Variants in CEP128 observed in about 807,000 individuals in gnomAD.
CEP128 encodes the protein centrosomal protein 128, also known as centrosomal protein 128kDa.
Under a neutral mutation model 156.7 loss-of-function variants are expected in CEP128, and 132 were observed. The observed-to-expected ratio is 0.84, with a 90% confidence interval of 0.73 to 0.97. CEP128 has a LOEUF of 0.97. Among genes scored for constraint, CEP128 ranks in the 50% least tolerant of loss-of-function variants. The pLI is 0.00. For missense variants in CEP128, 1,252 were observed against 1,281.9 expected (o/e 0.98, Z 0.36); for synonymous variants, 469 against 448.9 (o/e 1.04, Z -0.57).
chr14:80,696,365 G>A (rs1896892321), intron 19 of CEP128, among the ~76,000 whole-genome samples: 3 of 152,162 alleles, frequency 2.0e-5, no homozygotes, highest in Admixed American at 1.3e-4. Flanking sequence ...CTGAGGAAGA[G>A]GTTTCAGAGG....
At chr14:80,587,852 T>C (rs1891883665) in intron 19 of CEP128, among the ~76,000 whole-genome samples, 1 of 152,148 alleles carries the variant, frequency 6.6e-6, no homozygotes, top group Non-Finnish European at 1.5e-5. Flanking sequence ...ATCATTTTTC[T>C]CCCCACATGT....
intron 13 of CEP128, among the ~76,000 whole-genome samples, chr14:80,810,306 G>A (rs1463284079): frequency 1.2e-5 from 1 of 83,700 alleles, no homozygotes; most frequent in African/African-American, 4.2e-5. Context: ...CTGGGCGACA[G>A]AGCAAGACTC....
chr14:80,745,895 T>G (rs1265719287), intron 18 of CEP128, among the ~76,000 whole-genome samples: 1 of 150,820 alleles, frequency 6.6e-6, no homozygotes, highest in Non-Finnish European at 1.5e-5. Context: ...AACAAAAGAG[T>G]CCAGCATATT....
Position 80,753,617 on chromosome 14 carries a change from C to A in CEP128, c.2613+3275G>T, listed in dbSNP as rs528535145. On this transcript the variant is annotated intron_variant, in intron 18 of 24. Transcript: ENST00000555265. ...ATCCCTACCGTCTCAATGTGAATAT[C>A]TTTGGTACTTCTCACTTCTTGCCAT... 2.0e-5 allele frequency among the ~76,000 whole-genome samples: 3 copies of A among 152,322 alleles called. No individual in the cohort carries two copies. In the South Asian group the frequency reaches 6.2e-4, roughly 32 times the overall value.
intron 19 of CEP128, among the ~76,000 whole-genome samples, chr14:80,630,055 A>T (rs891120092): frequency 1.3e-4 from 20 of 152,070 alleles, no homozygotes; most frequent in African/African-American, 4.3e-4. Context: ...CTTGAAACCC[A>T]ATCTAGATGA....
downstream of CEP128, among the ~76,000 whole-genome samples, chr14:80,494,423 T>C (rs958755349): frequency 6.6e-6 from 1 of 152,194 alleles, no homozygotes; most frequent in Non-Finnish European, 1.5e-5. Context: ...CCATAGGATG[T>C]GTAGTTGCAT....
intron 19 of CEP128, among the ~76,000 whole-genome samples, chr14:80,727,225 G>A (rs1278773330): frequency 6.6e-6 from 1 of 152,142 alleles, no homozygotes; most frequent in Admixed American, 6.5e-5. Flanking sequence ...CTACCTAGCA[G>A]AGAGGGGAAT....
chr14:80,498,172 C>T (rs1394671629), intron 24 of CEP128, among the ~76,000 whole-genome samples: 1 of 152,158 alleles, frequency 6.6e-6, no homozygotes, highest in Non-Finnish European at 1.5e-5. Context: ...TGGTTCCTCT[C>T]TTCCTTTGTC....
At chr14:80,479,487 C>T (rs1001823535) in intron 14 of CEP128, among the ~76,000 whole-genome samples, 3 of 152,054 alleles carry the variant, frequency 2.0e-5, no homozygotes, top group Non-Finnish European at 4.4e-5. Flanking sequence ...AGCGGAAACC[C>T]CTGATAAACC....
intron 19 of CEP128, among the ~76,000 whole-genome samples, chr14:80,673,769 C>T (rs1346072934): frequency 2.0e-5 from 3 of 151,220 alleles, no homozygotes; most frequent in African/African-American, 7.3e-5. Context: ...GATATGAACG[C>T]CTTTTCTTTT....
At chr14:80,825,669 G>C (rs1885433232) in intron 13 of CEP128, among the ~76,000 whole-genome samples, 1 of 152,238 alleles carries the variant, frequency 6.6e-6, no homozygotes, top group East Asian at 1.9e-4. Context: ...TCTGCTTTCT[G>C]CAACTCAGAG....
At chr14:80,702,592 T>C (rs1897110809) in intron 19 of CEP128, among the ~76,000 whole-genome samples, 1 of 152,180 alleles carries the variant, frequency 6.6e-6, no homozygotes, top group South Asian at 2.1e-4. Context: ...GTTCATTTGA[T>C]ACAACCACTT....
intron 2 of CEP128, among the ~76,000 whole-genome samples, chr14:80,925,180 G>A (rs904299716): frequency 6.6e-5 from 10 of 151,846 alleles, no homozygotes; most frequent in South Asian, 2.1e-4. Flanking sequence ...ATATGCAACC[G>A]GATATGTGAG....
chr14:80,884,877 C>T (rs527684845), intron 8 of CEP128, among the ~76,000 whole-genome samples: 1 of 152,292 alleles, frequency 6.6e-6, no homozygotes, highest in East Asian at 1.9e-4. Flanking sequence ...GGGTCCCACT[C>T]CCACAAAGCC....
At chr14:80,863,879 T>C (rs144071036) in intron 8 of CEP128, among the ~76,000 whole-genome samples, 7,319 of 152,286 alleles carry the variant, frequency 0.048, 193 homozygotes, top group Middle Eastern at 0.061. Context: ...TGGTGCATTA[T>C]AGCTCAATCA....
At position 80,584,218 on chromosome 14, in the gene CEP128, C is replaced by T. The variant is rs1891716711; in HGVS notation, c.2807-3795G>A. Among the ~76,000 whole-genome samples, 3 of 147,986 alleles carry T rather than the reference C, an allele frequency of 2.0e-5. 1 individual carries two copies. The highest frequency in any genetic ancestry group is 4.3e-4 in the South Asian group (2 of 4,668). ...CTGGAGTGCAGTGGCGCCATCTCGGCTCACTGAAACCTCCACCTCCTGGGT... is the reference window on the plus strand; with the variant it reads ...CTGGAGTGCAGTGGCGCCATCTCGGTTCACTGAAACCTCCACCTCCTGGGT... On this transcript the variant is annotated intron_variant, in intron 19 of 24. Coordinates refer to ENST00000555265, the MANE Select transcript of CEP128 (RefSeq NM_152446.5).
intron 19 of CEP128, among the ~76,000 whole-genome samples, chr14:80,711,856 T>C (rs190920665): frequency 6.6e-6 from 1 of 152,008 alleles, no homozygotes; most frequent in East Asian, 1.9e-4. Context: ...TACCTAAAAA[T>C]TTTTTTAAAT....
At chr14:80,694,857 G>A (rs902278249) in intron 19 of CEP128, among the ~76,000 whole-genome samples, 47 of 150,596 alleles carry the variant, frequency 3.1e-4, no homozygotes, top group African/African-American at 9.3e-4. Context: ...CATGGCACAC[G>A]TATACCTATG....
At chr14:80,806,598 A>C (rs1884189000) in intron 13 of CEP128, among the ~76,000 whole-genome samples, 1 of 152,158 alleles carries the variant, frequency 6.6e-6, no homozygotes, top group African/African-American at 2.4e-5. Context: ...GGAGAAGAAA[A>C]TTTTAATAAA....
Sources: allele counts gnomAD v4.1 joint callset (sites outside exome capture counted in the v4.1 genomes callset), GRCh38; gene constraint gnomAD v4.1.1; transcripts MANE v1.5; gene names NCBI Gene and HGNC (gene_info 2026-07-23, HGNC 2026-07-21).